The following FRMD1 variants were observed in gnomAD, a reference collection of about 807,000 sequenced individuals.
FRMD1 encodes the protein FERM domain containing 1.
In FRMD1, 51 loss-of-function variants were observed where a neutral mutation model predicts 54.9. That is an observed-to-expected ratio of 0.93 (90% CI 0.74 to 1.17). The LOEUF is 1.17. FRMD1 is among the 50% of genes most tolerant of loss of function. FRMD1 has a pLI of 0.00. For missense variants in FRMD1, 729 were observed against 743.0 expected (o/e 0.98, Z 0.22); for synonymous variants, 324 against 306.4 (o/e 1.06, Z -0.60).
At chr6:168,090,637 C>T (rs1219290335) in intron 1 of FRMD1, among the ~76,000 whole-genome samples, 1 of 152,232 alleles carries the variant, frequency 6.6e-6, no homozygotes, top group South Asian at 2.1e-4. Flanking sequence ...TGTTTGTTGT[C>T]TGTTTCTCCC....
At chr6:168,065,944 G>A in intron 4 of FRMD1, 1 of 1,000,302 alleles carries the variant, frequency 1.0e-6, no homozygotes. Context: ...CCTCCTGAGG[G>A]ACGTCTTTGT....
Position 168,060,743 on chromosome 6 carries a change from C to T in FRMD1, c.1342+18G>A. 1 of 1,597,086 alleles carries T rather than the reference C, an allele frequency of 6.3e-7. No homozygotes were observed. Among genetic ancestry groups the T allele is most frequent in the South Asian group, 1.1e-5 (1 of 90,264 alleles). On this transcript the variant is annotated intron_variant, in intron 9 of 10. Transcript: ENST00000283309. ...ACACTCACTGTCCCTGAGGCCTGGG[C>T]ATCTCCCTCGGGCCCACCTTGGCTG...
At chr6:168,080,953 G>C (rs551466580), upstream of FRMD1, among the ~76,000 whole-genome samples, 27 of 152,206 alleles carry the variant, frequency 1.8e-4, no homozygotes, top group Admixed American at 7.2e-4. Context: ...CATCATTAGT[G>C]AGAAGAAAAG....
At chr6:168,089,334 A>C (rs1256605030) in intron 1 of FRMD1, among the ~76,000 whole-genome samples, 5 of 152,136 alleles carry the variant, frequency 3.3e-5, no homozygotes, top group Non-Finnish European at 7.4e-5. Context: ...GTTTTTAGAG[A>C]ACGTTTTTGT....
intron 4 of FRMD1, chr6:168,066,514 A>C (rs1800032367): frequency 7.9e-7 from 1 of 1,270,224 alleles, no homozygotes. Flanking sequence ...AAAACAAAAC[A>C]AAACAAAAAG....
intron 2 of FRMD1, 124 bp downstream of exon 2, chr6:168,075,121 G>A (rs1191447413): frequency 3.9e-6 from 3 of 765,460 alleles, no homozygotes; most frequent in Non-Finnish European, 6.8e-6. Flanking sequence ...GTGTGTGCAT[G>A]TGTACATATG....
Position 168,060,943 on chromosome 6 carries a change from C to T in FRMD1, c.1160G>A (p.Arg387His), listed in dbSNP as rs1359715719. Residue 387 changes from arginine (R) to histidine (H), a missense_variant, in exon 9 of 11, where the codon CGC (arginine) becomes CAC (histidine). Coordinates refer to ENST00000283309, the MANE Select transcript of FRMD1 (RefSeq NM_024919.6). Reference protein sequence around the residue: ...SSQHCPHCLSRHSADSHGSSY... With the variant: ...SSQHCPHCLSHHSADSHGSSY... The stretch of plus-strand genomic sequence containing the variant: ...ACTGCCGTGGCTGTCGGCGGAGTGG[C>T]GTGAGAGGCAGTGGGGGCAGTGCTG... The T allele has an allele frequency of 1.9e-6, 3 of 1,613,442 alleles. No homozygotes were observed. The highest frequency in any genetic ancestry group is 2.5e-6 in the Non-Finnish European group (3 of 1,180,042).
chr6:168,061,812 GCCT>G lies in FRMD1; in HGVS notation c.1037_1039del (p.Glu346del), dbSNP rs1366258561. 6.4e-7 allele frequency: 1 copy of G among 1,552,900 alleles called. No individual in the cohort carries two copies. The highest frequency in any genetic ancestry group is 8.7e-7 in the Non-Finnish European group (1 of 1,149,958). On this transcript the variant is annotated inframe_deletion, in exon 8 of 11. Transcript: ENST00000283309. Reference sequence around the variant, plus strand: ...CATACCCAGCCCAGCCCCACCTTCTGCCTCCTCCCGCTGCCGCAGCTGTTGCAG... The same window carrying G: ...CATACCCAGCCCAGCCCCACCTTCTGCCTCCCGCTGCCGCAGCTGTTGCAG...
Position 168,067,513 on chromosome 6 carries a change from A to G in FRMD1, c.305-67T>C, listed in dbSNP as rs866911036. On this transcript the variant is annotated intron_variant, in intron 2 of 10. Coordinates refer to ENST00000283309, the MANE Select transcript of FRMD1 (RefSeq NM_024919.6). The stretch of plus-strand genomic sequence containing the variant: ...CTTCTCAGGTGTCACCGTGTGTTCA[A>G]AACTGAGTGTGGCTTGGAGAGAAGA... 3.2e-6 allele frequency: 3 copies of G among 943,564 alleles called. No individual in the cohort carries two copies. The Middle Eastern group carries it at 6.6e-4, about 206-fold the overall frequency. 58.4% of individuals were successfully genotyped at this position (943,564 alleles called of 1,614,324 possible).
chr6:168,066,686 G>A, intron 4 of FRMD1, 69 bp downstream of exon 4: 1 of 1,531,310 alleles, frequency 6.5e-7, no homozygotes, highest in Admixed American at 2.2e-5. Context: ...GGCCTTCAGG[G>A]GACTTCCACG....
intron 1 of FRMD1, among the ~76,000 whole-genome samples, chr6:168,092,660 C>T (rs368960169): frequency 1.3e-5 from 2 of 152,214 alleles, no homozygotes; most frequent in Non-Finnish European, 2.9e-5. Flanking sequence ...CACCAAATTG[C>T]CCAGTGCCTT....
chr6:168,055,565 G>C lies in FRMD1; in HGVS notation c.*1532C>G, dbSNP rs1799369239. The C allele has an allele frequency of 6.6e-6, 1 of 152,166 alleles. No individual in the cohort carries two copies. The highest frequency in any genetic ancestry group is 1.5e-5 in the Non-Finnish European group (1 of 68,050). The allele number at this position is 152,166 out of a possible 1,614,324, so 9.4% of individuals were successfully genotyped here. ...AAGATAGTCATTGCCCCGGAGCGGG[G>C]CAAATCAATCATCTTGTACTAATGG... On this transcript the variant is annotated 3_prime_UTR_variant, in exon 11 of 11. Transcript: ENST00000283309.
chr6:168,067,842 G>T (rs1270630411), intron 2 of FRMD1, among the ~76,000 whole-genome samples: 3 of 152,110 alleles, frequency 2.0e-5, no homozygotes, highest in African/African-American at 7.2e-5. Context: ...GGATGCGGTG[G>T]CTCAACCTCG....
Position 168,078,619 on chromosome 6 carries a change from C to A in FRMD1, c.213+263G>T, listed in dbSNP as rs555207655. On this transcript the variant is annotated intron_variant, in intron 1 of 10. Transcript: ENST00000283309. ...GGCTCTGCTCACCCTCACGGCCCTG[C>A]TCACCCCCACAGCCTTGCTCACCCC... Among the ~76,000 whole-genome samples the A allele has an allele frequency of 4.5e-5, 6 of 132,700 alleles. No homozygotes were observed. In the East Asian group the frequency reaches 1.4e-3, roughly 30 times the overall value. 87.1% of individuals were successfully genotyped at this position (132,700 alleles called of 152,430 possible). A position where few individuals can be genotyped will look rare whatever the true frequency, so the allele number is the denominator to read the frequency against.
intron 2 of FRMD1, among the ~76,000 whole-genome samples, chr6:168,072,402 G>A (rs916809886): frequency 3.9e-5 from 6 of 152,218 alleles, no homozygotes; most frequent in East Asian, 3.9e-4. Context: ...GTCGCCTTGC[G>A]AACCACGTCT....
chr6:168,082,688 G>A (rs1036503520), upstream of FRMD1, among the ~76,000 whole-genome samples: 7 of 152,244 alleles, frequency 4.6e-5, no homozygotes, highest in East Asian at 1.9e-4. Flanking sequence ...GCTCCTCCCC[G>A]AATCTACTGA....
intron 4 of FRMD1, chr6:168,066,149 G>A (rs778893838): frequency 1.0e-5 from 10 of 986,908 alleles, no homozygotes; most frequent in Non-Finnish European, 1.2e-5. Flanking sequence ...CAGAAGCCTC[G>A]CCCACCCCCG....
At chr6:168,083,984 C>A (rs992254410), upstream of FRMD1, among the ~76,000 whole-genome samples, 10 of 152,194 alleles carry the variant, frequency 6.6e-5, no homozygotes, top group African/African-American at 2.4e-4. Context: ...TCTACTGAAG[C>A]CTCACTGCAG....
In FRMD1 at chr6:168,056,637, G is replaced by GACA. The variant is rs144641811; in HGVS notation, c.*459_*460insTGT. 1.3e-5 allele frequency: 2 copies of GACA among 154,102 alleles called. No homozygotes were observed. The highest frequency in any genetic ancestry group is 2.9e-5 in the Non-Finnish European group (2 of 69,424). The allele number at this position is 154,102 out of a possible 1,614,324, so 9.5% of individuals were successfully genotyped here. ...AGGAACCTGGGTCCTGCACAGTGATGACTGTGAACTCCGGCTTGGGAGCTC... is the reference window on the plus strand; with the variant it reads ...AGGAACCTGGGTCCTGCACAGTGATGACAACTGTGAACTCCGGCTTGGGAGCTC... On this transcript the variant is annotated 3_prime_UTR_variant, in exon 11 of 11. Coordinates refer to ENST00000283309, the MANE Select transcript of FRMD1 (RefSeq NM_024919.6).
Sources: gnomAD v4.1 joint callset for allele counts (sites outside exome capture counted in the v4.1 genomes callset) on GRCh38, gnomAD v4.1.1 for gene constraint, MANE v1.5 for transcripts, NCBI Gene and HGNC (gene_info 2026-07-23, HGNC 2026-07-21) for gene names.